HMCN1: variants seen among roughly 807,000 people sequenced by gnomAD.
HMCN1 encodes the protein hemicentin 1, also known as hemicentin-1.
A neutral mutation model predicts 625.9 loss-of-function variants in HMCN1; 321 were observed. The observed-to-expected ratio is 0.51, with a 90% CI of 0.47 to 0.56. HMCN1 has a LOEUF of 0.56. Ranked by LOEUF, HMCN1 falls within the 20% of genes least tolerant of loss-of-function variation. The pLI is 0.00. For missense variants in HMCN1, 6,588 were observed against 6,887.3 expected (o/e 0.96, Z 1.54); for synonymous variants, 2,425 against 2,417.6 (o/e 1.00, Z -0.09).
chr1:186,091,861 A>G (rs570091074), intron 64 of HMCN1, among the ~76,000 whole-genome samples: 21 of 152,008 alleles, frequency 1.4e-4, no homozygotes, highest in Admixed American at 4.6e-4. Context: ...AAAGAGATAA[A>G]TGTTATTTTC....
intron 36 of HMCN1, among the ~76,000 whole-genome samples, chr1:186,032,602 G>A (rs141125333): frequency 7.2e-4 from 110 of 152,126 alleles, no homozygotes; most frequent in African/African-American, 2.2e-3. Flanking sequence ...CTTCCCCTTC[G>A]GCCATGATTA....
At chr1:185,986,914 C>A (rs1285456445) in intron 19 of HMCN1, among the ~76,000 whole-genome samples, 2 of 150,240 alleles carry the variant, frequency 1.3e-5, no homozygotes, top group Admixed American at 6.6e-5. Context: ...CCAATGAATT[C>A]TTCTTAACAA....
intron 15 of HMCN1, among the ~76,000 whole-genome samples, chr1:185,974,842 C>T (rs1196577649): frequency 6.6e-6 from 1 of 152,158 alleles, no homozygotes; most frequent in South Asian, 2.1e-4. Context: ...AGCTGCTTTA[C>T]AATGGATGAC....
chr1:186,002,942 T>A (rs914854646), intron 28 of HMCN1, among the ~76,000 whole-genome samples: 21 of 152,140 alleles, frequency 1.4e-4, no homozygotes, highest in African/African-American at 4.6e-4. Flanking sequence ...GATCTACTTC[T>A]TTTCATCCTT....
At position 186,172,106 on chromosome 1, in the gene HMCN1, C is replaced by G. The variant is rs757674939; in HGVS notation, c.15789C>G (p.Thr5263=). Reference sequence around the variant, plus strand: ...TTGATCTTTGTCCAAATGGAATGACCAAGGCAGAAAATGGAACCTGTATTG... The same window carrying G: ...TTGATCTTTGTCCAAATGGAATGACGAAGGCAGAAAATGGAACCTGTATTG... ...KCIDLCPNGM[T]KAENGTCIDI... Residue 5263 remains threonine (T), a synonymous_variant, in exon 102 of 107, where the codon ACC becomes ACG. Transcript: ENST00000271588. 23 of 1,613,648 alleles carry G rather than the reference C, an allele frequency of 1.4e-5. No homozygotes were observed. The African/African-American group carries it at 2.0e-4, about 14-fold the overall frequency.
chr1:186,119,244 G>T lies in HMCN1; in HGVS notation c.11902G>T (p.Val3968Phe). The change falls in exon 78 of 107, where the codon GTC becomes TTC. Residue 3968 changes from valine (V) to phenylalanine (F), a missense_variant. Val to Phe is a conservative substitution (Grantham distance 50). Coordinates refer to ENST00000271588, the MANE Select transcript of HMCN1 (RefSeq NM_031935.3). ...QLNHAGRYTC[V>F]ARNAAGSAHR... is the part of the protein sequence containing the mutation. Reference sequence around the variant, plus strand: ...AAACCATGCTGGAAGATACACTTGTGTCGCTAGGAATGCGGCTGGCTCTGC... The same window carrying T: ...AAACCATGCTGGAAGATACACTTGTTTCGCTAGGAATGCGGCTGGCTCTGC... 3 of 1,613,962 alleles carry T rather than the reference G, an allele frequency of 1.9e-6. No individual in the cohort carries two copies. Among genetic ancestry groups the T allele is most frequent in the Non-Finnish European group, 2.5e-6 (3 of 1,179,898 alleles).
intron 2 of HMCN1, among the ~76,000 whole-genome samples, chr1:185,863,512 T>C (rs574422702): frequency 6.6e-6 from 1 of 152,330 alleles, no homozygotes; most frequent in Non-Finnish European, 1.5e-5. Flanking sequence ...GTATGGAATA[T>C]AGACATAATA....
intron 36 of HMCN1, among the ~76,000 whole-genome samples, chr1:186,033,999 G>C (rs886601098): frequency 6.6e-6 from 1 of 152,118 alleles, no homozygotes; most frequent in African/African-American, 2.4e-5. Context: ...AATATGTTAG[G>C]TTACATCATA....
At position 185,893,301 on chromosome 1, in the gene HMCN1, G is replaced by A. The variant is rs187648832; in HGVS notation, c.622-16036G>A. ...TTGCTCAGGCTGGGAGCTGTAGACT[G>A]GAGCTGTTCCTATTCGGCCATCTTG... On this transcript the variant is annotated intron_variant, in intron 4 of 106. Coordinates refer to ENST00000271588, the MANE Select transcript of HMCN1 (RefSeq NM_031935.3). Among the ~76,000 whole-genome samples, 45 of 152,304 alleles carry A rather than the reference G, an allele frequency of 3.0e-4. No individual in the cohort carries two copies. The East Asian group carries it at 8.3e-3, about 28-fold the overall frequency.
rs1351560698 is a variant in HMCN1, at chr1:185,909,405, A to G, written c.690A>G (p.Glu230=). The change falls in exon 5 of 107, where the codon GAA becomes GAG. Residue 230 remains glutamate, a synonymous_variant. Coordinates refer to ENST00000271588, the MANE Select transcript of HMCN1 (RefSeq NM_031935.3). The part of the protein sequence containing the change: ...KVHLLSTDHL[E]QAVNTWRIPF... ...ACCTTTTATCCACAGATCATTTGGA[A>G]CAGGCTGTAAATACTTGGAGAATTC... The G allele has an allele frequency of 6.2e-7, 1 of 1,613,324 alleles. No individual in the cohort carries two copies. The highest frequency in any genetic ancestry group is 2.2e-5 in the East Asian group (1 of 44,850).
chr1:185,865,719 CT>C (rs57584779), intron 3 of HMCN1, 21 bp from the exon 4 acceptor site: 117,505 of 810,996 alleles, frequency 0.14, 16 homozygotes, highest in East Asian at 0.24. Context: ...TACACTGTTT[CT>C]TTTTTTTTTT....
intron 10 of HMCN1, among the ~76,000 whole-genome samples, chr1:185,933,221 TTTCA>T (rs1349905436): frequency 2.0e-5 from 3 of 152,206 alleles, no homozygotes; most frequent in African/African-American, 7.2e-5. Context: ...CAAATGCTGC[TTTCA>T]TCTATAAAAA....
In HMCN1 at chr1:186,103,546, T is replaced by C. The variant is rs1660479101; in HGVS notation, c.10648T>C (p.Cys3550Arg). 5 of 1,613,784 alleles carry C rather than the reference T, an allele frequency of 3.1e-6. No homozygotes were observed. In the East Asian group the frequency reaches 8.9e-5, roughly 29 times the overall value. The change falls in exon 69 of 107, where the codon TGC becomes CGC. Residue 3550 changes from cysteine (C) to arginine (R), a missense_variant. By Grantham distance (180) the Cys-to-Arg change is radical (BLOSUM62 -3). Around this residue, in one of 3 missense-constraint regions of HMCN1, gnomAD observed 4,628 missense variants for 4,853.1 expected, o/e 0.95. Coordinates refer to ENST00000271588, the MANE Select transcript of HMCN1 (RefSeq NM_031935.3). Reference sequence around the variant, plus strand: ...TGTTAATAACCCACTTGAACTTACCTGCATTGCTTCTGGAATCCCAGCCCC... The same window carrying C: ...TGTTAATAACCCACTTGAACTTACCCGCATTGCTTCTGGAATCCCAGCCCC... ...VIVNNPLELT[C>R]IASGIPAPKM... is the part of the protein sequence containing the mutation.
At chr1:185,935,628 A>T (rs1251378645) in intron 11 of HMCN1, among the ~76,000 whole-genome samples, 1 of 152,176 alleles carries the variant, frequency 6.6e-6, no homozygotes, top group Non-Finnish European at 1.5e-5. Context: ...ATTACTGGGT[A>T]ATCTGTACTA....
Position 186,057,390 on chromosome 1 carries a change from G to C in HMCN1, c.7301G>C (p.Arg2434Thr), listed in dbSNP as rs911111072. 6 of 1,607,496 alleles carry C rather than the reference G, an allele frequency of 3.7e-6. No individual in the cohort carries two copies. Among genetic ancestry groups the C allele is most frequent in the Non-Finnish European group, 4.3e-6 (5 of 1,174,502 alleles). The change falls in exon 46 of 107, where the codon AGG (arginine) becomes ACG (threonine). Residue 2434 changes from arginine to threonine, a missense_variant. This residue lies in a region of HMCN1 where 4,628 missense variants were observed against 4,853.1 expected (regional missense o/e 0.95). Transcript: ENST00000271588. ...GWPVSLSNSV[R>T]ILSGGRMLRL... The stretch of plus-strand genomic sequence containing the variant: ...CCTGTCAGCCTTAGCAATTCTGTGA[G>C]GATTCTTTCAGGTATTAGAAATTCT...
chr1:186,132,026 T>C (rs1044547292), intron 85 of HMCN1, among the ~76,000 whole-genome samples: 5 of 152,230 alleles, frequency 3.3e-5, no homozygotes, highest in African/African-American at 1.2e-4. Context: ...AGATAGATGA[T>C]CATAAAATAA....
At chr1:186,013,865 C>T (rs1373488223) in intron 30 of HMCN1, among the ~76,000 whole-genome samples, 1 of 151,924 alleles carries the variant, frequency 6.6e-6, no homozygotes, top group African/African-American at 2.4e-5. Flanking sequence ...GTGATTGACT[C>T]AATAAATAAA....
chr1:186,184,819 T>C (rs1237008963), intron 105 of HMCN1, among the ~76,000 whole-genome samples: 2 of 152,226 alleles, frequency 1.3e-5, no homozygotes, highest in African/African-American at 4.8e-5. Flanking sequence ...TAGCAATATT[T>C]ATGTTACAAA....
intron 1 of HMCN1, among the ~76,000 whole-genome samples, chr1:185,843,151 A>G (rs959176097): frequency 5.3e-5 from 8 of 152,228 alleles, no homozygotes; most frequent in African/African-American, 1.9e-4. Flanking sequence ...GATAAAATAA[A>G]CTGAATAACG....
Sources: allele counts gnomAD v4.1 joint callset (sites outside exome capture counted in the v4.1 genomes callset), GRCh38; gene constraint gnomAD v4.1.1; regional missense constraint gnomAD v4.1.1; transcripts MANE v1.5; gene names NCBI Gene and HGNC (gene_info 2026-07-23, HGNC 2026-07-21).